Variants in LCOR observed in about 807,000 individuals in gnomAD.
The protein encoded by LCOR is ligand-dependent corepressor.
LCOR carries 14 observed loss-of-function variants against 64.4 expected under a neutral mutation model. The ratio of observed to expected loss-of-function variants is 0.22; its 90% CI spans 0.14 to 0.34. The LOEUF (loss-of-function observed/expected upper bound fraction) is 0.34, where lower values mean the gene tolerates loss of function less well. Among genes scored for constraint, LCOR ranks in the 10% least tolerant of loss-of-function variants. The pLI is 1.00. For missense variants in LCOR, 1,686 were observed against 1,765.3 expected (o/e 0.96, Z 0.80); for synonymous variants, 643 against 642.5 (o/e 1.00, Z -0.01).
At chr10:96,867,158 TG>T (rs963381953) in intron 2 of LCOR, among the ~76,000 whole-genome samples, 5 of 152,024 alleles carry the variant, frequency 3.3e-5, no homozygotes, top group African/African-American at 1.2e-4. Context: ...CCCAAAGTGC[TG>T]GGATTGTATT....
intron 1 of LCOR, chr10:96,833,126 C>CGTATTTGT: frequency 1.0e-6 from 1 of 985,576 alleles, no homozygotes; most frequent in Non-Finnish European, 1.2e-6. Flanking sequence ...TCGGTGTGTG[C>CGTATTTGT]GTATTTGTGT....
At chr10:96,863,264 T>C (rs1589613639) in intron 2 of LCOR, among the ~76,000 whole-genome samples, 1 of 144,258 alleles carries the variant, frequency 6.9e-6, no homozygotes. Context: ...AGTGCAGTGG[T>C]GTGCTCTCAG....
chr10:96,982,910 T>G lies in LCOR; in HGVS notation c.2450T>G (p.Leu817Arg). 1 of 1,613,870 alleles carries G rather than the reference T, an allele frequency of 6.2e-7. No homozygotes were observed. The highest frequency in any genetic ancestry group is 8.5e-7 in the Non-Finnish European group (1 of 1,179,988). The part of the protein sequence containing the change: ...KKFPEASDRC[L>R]RSQLSDSSSA... ...TTCCCTGAGGCCTCTGATAGGTGCC[T>G]AAGAAGTCAACTTTCGGATTCTTCC... The change falls in exon 8 of 8, where the codon CTA becomes CGA. Residue 817 changes from leucine to arginine, a missense_variant. By Grantham distance (102) the Leu-to-Arg change is moderately radical. Transcript: ENST00000421806.
intron 2 of LCOR, among the ~76,000 whole-genome samples, chr10:96,864,536 A>G (rs1480343118): frequency 6.6e-6 from 1 of 152,222 alleles, no homozygotes; most frequent in Non-Finnish European, 1.5e-5. Context: ...GGCACTTAGA[A>G]TATAATGGGA....
chr10:96,931,347 C>T (rs1564629583), intron 4 of LCOR, among the ~76,000 whole-genome samples: 2 of 151,888 alleles, frequency 1.3e-5, no homozygotes, highest in African/African-American at 4.8e-5. Flanking sequence ...GATTCTTCTG[C>T]ATCAGCTTCC....
In LCOR at chr10:96,871,522, C is replaced by G; in HGVS notation, c.-329-35743C>G. ...CTGCTTCCTGGACTCCAGTGATTCTCCAACCTTAGCCTTGAGAGTAGCTGG... is the reference window on the plus strand; with the variant it reads ...CTGCTTCCTGGACTCCAGTGATTCTGCAACCTTAGCCTTGAGAGTAGCTGG... On this transcript the variant is annotated intron_variant, in intron 2 of 7. Transcript: ENST00000421806. Among the ~76,000 whole-genome samples, 2 of 152,120 alleles carry G rather than the reference C, an allele frequency of 1.3e-5. 1 individual carries two copies. Among genetic ancestry groups the G allele is most frequent in the Non-Finnish European group, 2.9e-5 (2 of 68,036 alleles).
intron 2 of LCOR, among the ~76,000 whole-genome samples, chr10:96,886,255 A>T (rs1230902778): frequency 6.6e-6 from 1 of 152,220 alleles, no homozygotes; most frequent in Non-Finnish European, 1.5e-5. Flanking sequence ...TAATCAGTTC[A>T]TCACCACATA....
chr10:96,956,151 A>G (rs1358015046), intron 7 of LCOR: 6 of 1,333,494 alleles, frequency 4.5e-6, no homozygotes, highest in Non-Finnish European at 4.8e-6. Flanking sequence ...ATGTTTCTCT[A>G]CAAAAGAGAA....
At chr10:96,942,458 G>GGAGGGAGAGGAGGGA (rs1554839356) in intron 4 of LCOR, among the ~76,000 whole-genome samples, 14 of 150,548 alleles carry the variant, frequency 9.3e-5, no homozygotes, top group Admixed American at 3.3e-4. Context: ...GAGAGGGAGA[G>GGAGGGAGAGGAGGGA]GAGGGAGAGG....
intron 2 of LCOR, among the ~76,000 whole-genome samples, chr10:96,871,488 G>T (rs1846071369): frequency 6.6e-6 from 1 of 152,008 alleles, no homozygotes; most frequent in African/African-American, 2.4e-5. Flanking sequence ...TCTCGGCTCA[G>T]TGCAACCTCT....
chr10:96,983,051 G>A lies in LCOR; in HGVS notation c.2591G>A (p.Gly864Glu). 1 of 1,613,926 alleles carries A rather than the reference G, an allele frequency of 6.2e-7. No homozygotes were observed. Among genetic ancestry groups the A allele is most frequent in the Non-Finnish European group, 8.5e-7 (1 of 1,179,932 alleles). Residue 864 changes from glycine to glutamate, a missense_variant, in exon 8 of 8, where the codon GGG becomes GAG. Around this residue, in one of 3 missense-constraint regions of LCOR, gnomAD observed 1,293 missense variants for 1,410.4 expected, o/e 0.92. Transcript: ENST00000421806. This position sits in a 1 kb window ranked among gnomAD's most constrained non-coding sequence, Gnocchi z 4.5. Reference sequence around the variant, plus strand: ...TCAAAAAAAGAAGGGCACCCTGGTGGGACAACACCTAAGGGCCTTCTACCT... The same window carrying A: ...TCAAAAAAAGAAGGGCACCCTGGTGAGACAACACCTAAGGGCCTTCTACCT... Reference protein sequence around the residue: ...KRSKKEGHPGGTTPKGLLPDS... With the variant: ...KRSKKEGHPGETTPKGLLPDS...
intron 2 of LCOR, among the ~76,000 whole-genome samples, chr10:96,887,046 C>G (rs572811341): frequency 6.6e-6 from 1 of 152,108 alleles, no homozygotes. Context: ...ACTTAGGGAT[C>G]AGAAAGGTCA....
At chr10:96,866,371 G>C (rs1378176738) in intron 2 of LCOR, among the ~76,000 whole-genome samples, 1 of 152,026 alleles carries the variant, frequency 6.6e-6, no homozygotes, top group Non-Finnish European at 1.5e-5. Flanking sequence ...GTATTTCCTT[G>C]TACGGCTATA....
chr10:96,836,570 G>A (rs192677872), intron 2 of LCOR, among the ~76,000 whole-genome samples: 88 of 152,320 alleles, frequency 5.8e-4, no homozygotes, highest in African/African-American at 2.1e-3. Context: ...TAGAGAAAAT[G>A]TAATGTAATC....
At chr10:96,972,736 T>G (rs1045203056) in intron 7 of LCOR, among the ~76,000 whole-genome samples, 1 of 152,200 alleles carries the variant, frequency 6.6e-6, no homozygotes, top group African/African-American at 2.4e-5. Context: ...ATATTAAGCC[T>G]TAAGATGCAG....
intron 7 of LCOR, among the ~76,000 whole-genome samples, chr10:96,969,946 ATTTTTTTTTTTTTT>A (rs751045855): frequency 3.0e-5 from 2 of 67,736 alleles, no homozygotes; most frequent in Non-Finnish European, 5.1e-5. Context: ...CACCTGGATA[ATTTTTTTTTTTTTT>A]TTTTTTTTTT....
intron 2 of LCOR, among the ~76,000 whole-genome samples, chr10:96,887,719 C>T (rs1846368240): frequency 6.6e-6 from 1 of 150,572 alleles, no homozygotes; most frequent in Admixed American, 6.6e-5. Context: ...GTTTTACTCT[C>T]ACCCAGGCTA....
In LCOR at chr10:96,887,026, G is replaced by T. The variant is rs535946675; in HGVS notation, c.-329-20239G>T. ...GAGGTGTGGTCCCTGGGCCCCTGGT[G>T]GTTCCTGAGACTTAGGGATCAGAAA... On this transcript the variant is annotated intron_variant, in intron 2 of 7. Coordinates refer to ENST00000421806, the MANE Select transcript of LCOR (RefSeq NM_001346516.2). 1.3e-4 allele frequency among the ~76,000 whole-genome samples: 20 copies of T among 152,214 alleles called. No homozygotes were observed. In the South Asian group the frequency reaches 2.5e-3, roughly 19 times the overall value.
At chr10:96,896,188 T>G (rs1487951090) in intron 2 of LCOR, among the ~76,000 whole-genome samples, 4 of 152,196 alleles carry the variant, frequency 2.6e-5, no homozygotes, top group Non-Finnish European at 5.9e-5. Context: ...TGGATGTTAC[T>G]GACATTTCTG....
Sources: allele counts gnomAD v4.1 joint callset (sites outside exome capture counted in the v4.1 genomes callset), GRCh38; gene constraint gnomAD v4.1.1; regional missense constraint gnomAD v4.1.1; non-coding constraint Gnocchi (gnomAD v3.1); transcripts MANE v1.5; gene names NCBI Gene and HGNC (gene_info 2026-07-23, HGNC 2026-07-21).